The following COL19A1 variants were observed in gnomAD, a reference collection of about 807,000 sequenced individuals.
The protein encoded by COL19A1 is collagen type XIX alpha 1 chain, also known as collagen alpha-1(XIX) chain.
COL19A1 carries 159 observed loss-of-function variants against 190.2 expected under a neutral mutation model. That is an observed-to-expected ratio of 0.84 (90% CI 0.73 to 0.95). COL19A1 has a LOEUF of 0.95. Ranked by LOEUF, COL19A1 falls within the 40% of genes least tolerant of loss-of-function variation. The pLI is 0.00. For synonymous variants in COL19A1, 509 were observed against 458.9 expected, an observed-to-expected ratio of 1.11 and a Z score of -1.39; for missense variants, 1,418 against 1,431.9, an observed-to-expected ratio of 0.99 and a Z score of 0.16.
intron 4 of COL19A1, among the ~76,000 whole-genome samples, chr6:69,917,089 T>G (rs1771355948): frequency 6.6e-6 from 1 of 152,228 alleles, no homozygotes; most frequent in East Asian, 1.9e-4. Flanking sequence ...ACCAACACAT[T>G]TCCAAGGACT....
At chr6:69,869,034 T>A (rs1324700259) in intron 1 of COL19A1, among the ~76,000 whole-genome samples, 11 of 78,792 alleles carry the variant, frequency 1.4e-4, no homozygotes, top group Non-Finnish European at 2.7e-4. Flanking sequence ...GAAAAGATGC[T>A]GGAAAAAAAA....
intron 16 of COL19A1, among the ~76,000 whole-genome samples, chr6:70,109,362 G>T (rs1009960400): frequency 6.6e-6 from 1 of 152,016 alleles, no homozygotes; most frequent in Non-Finnish European, 1.5e-5. Context: ...CTTCAGGTGG[G>T]GAAAAGCTTG....
chr6:70,189,222 A>G (rs1217280595), intron 47 of COL19A1, among the ~76,000 whole-genome samples: 1 of 151,598 alleles, frequency 6.6e-6, no homozygotes, highest in Non-Finnish European at 1.5e-5. Flanking sequence ...ACCCCACAAC[A>G]ATACTATTAT....
At chr6:69,983,077 A>T (rs1416764648) in intron 11 of COL19A1, among the ~76,000 whole-genome samples, 1 of 151,996 alleles carries the variant, frequency 6.6e-6, no homozygotes, top group Admixed American at 6.6e-5. Context: ...ACTTGCTGAG[A>T]TTTTGAATGA....
intron 15 of COL19A1, among the ~76,000 whole-genome samples, chr6:70,088,404 T>C (rs1782710445): frequency 6.6e-6 from 1 of 152,146 alleles, no homozygotes; most frequent in Non-Finnish European, 1.5e-5. Flanking sequence ...ATGCACATTT[T>C]TTTTCTATCC....
chr6:69,940,945 C>G (rs562226884), intron 9 of COL19A1, among the ~76,000 whole-genome samples: 3 of 152,132 alleles, frequency 2.0e-5, no homozygotes, highest in Non-Finnish European at 2.9e-5. Context: ...ATAAAGAAGG[C>G]TTTCCTTCAT....
At chr6:70,080,243 C>T (rs1782163036) in intron 15 of COL19A1, among the ~76,000 whole-genome samples, 1 of 152,080 alleles carries the variant, frequency 6.6e-6, no homozygotes, top group South Asian at 2.1e-4. Context: ...AATAGATACA[C>T]CTACTACTTT....
chr6:69,877,773 C>A (rs1031327535), intron 1 of COL19A1, among the ~76,000 whole-genome samples: 1 of 152,060 alleles, frequency 6.6e-6, no homozygotes, highest in African/African-American at 2.4e-5. Flanking sequence ...GTAATCCCAG[C>A]ACTTTGGGAG....
chr6:69,939,668 A>T (rs182161421), intron 9 of COL19A1, among the ~76,000 whole-genome samples: 7 of 152,058 alleles, frequency 4.6e-5, no homozygotes, highest in African/African-American at 1.7e-4. Context: ...TAGTGTCTCT[A>T]TCCTCATTTT....
chr6:69,968,110 T>C (rs1020859308), intron 11 of COL19A1, among the ~76,000 whole-genome samples: 2 of 152,166 alleles, frequency 1.3e-5, no homozygotes, highest in Non-Finnish European at 2.9e-5. Context: ...TTGGTGCTGA[T>C]TGTATTAGTA....
intron 9 of COL19A1, among the ~76,000 whole-genome samples, chr6:69,957,439 C>T (rs750460900): frequency 1.1e-4 from 17 of 151,940 alleles, no homozygotes; most frequent in Non-Finnish European, 1.9e-4. Context: ...ACGATACTAT[C>T]GGCAGCAACA....
chr6:70,165,396 T>C (rs1273418304), intron 36 of COL19A1, among the ~76,000 whole-genome samples: 1 of 152,208 alleles, frequency 6.6e-6, no homozygotes, highest in Non-Finnish European at 1.5e-5. Context: ...CAGGAAGATG[T>C]GTCTGACTTG....
chr6:70,075,352 G>C (rs1288994478), intron 15 of COL19A1, among the ~76,000 whole-genome samples: 1 of 152,168 alleles, frequency 6.6e-6, no homozygotes, highest in Non-Finnish European at 1.5e-5. Context: ...AGAGCTCCAT[G>C]GTGGACTTTG....
At chr6:70,090,211 A>G (rs956726893) in intron 15 of COL19A1, among the ~76,000 whole-genome samples, 4 of 152,098 alleles carry the variant, frequency 2.6e-5, no homozygotes, top group African/African-American at 9.7e-5. Context: ...GGAAATGGAA[A>G]TGGAAATGTT....
At chr6:69,983,578 T>C (rs931213070) in intron 11 of COL19A1, among the ~76,000 whole-genome samples, 1 of 152,148 alleles carries the variant, frequency 6.6e-6, no homozygotes, top group Non-Finnish European at 1.5e-5. Flanking sequence ...CAATATTTTA[T>C]CACTAAGTAT....
chr6:69,910,620 T>C (rs909725490), intron 4 of COL19A1, among the ~76,000 whole-genome samples: 2 of 152,210 alleles, frequency 1.3e-5, no homozygotes, highest in South Asian at 4.1e-4. Context: ...TCTATTTTGA[T>C]AATTACTTGG....
chr6:69,973,550 A>G (rs755443821), intron 11 of COL19A1, among the ~76,000 whole-genome samples: 1 of 152,204 alleles, frequency 6.6e-6, no homozygotes, highest in Non-Finnish European at 1.5e-5. Flanking sequence ...GAGTAAAGGC[A>G]ACTCTCACAT....
chr6:69,988,743 C>T (rs1412876391), intron 11 of COL19A1, among the ~76,000 whole-genome samples: 1 of 152,174 alleles, frequency 6.6e-6, no homozygotes, highest in African/African-American at 2.4e-5. Context: ...GTTCAATCAT[C>T]ATCTCTCAAG....
chr6:69,962,136 G>A (rs1435304101), intron 10 of COL19A1, among the ~76,000 whole-genome samples: 3 of 152,184 alleles, frequency 2.0e-5, no homozygotes, highest in African/African-American at 4.8e-5. Flanking sequence ...GTCAACTTTT[G>A]TTGAGTGTAT....
Sources: allele counts gnomAD v4.1 joint callset (sites outside exome capture counted in the v4.1 genomes callset), GRCh38; gene constraint gnomAD v4.1.1; transcripts MANE v1.5; gene names NCBI Gene and HGNC (gene_info 2026-07-23, HGNC 2026-07-21).